KIAA1328: variants seen among roughly 807,000 people sequenced by gnomAD.
KIAA1328 encodes the protein KIAA1328.
Under a neutral mutation model 68.1 loss-of-function variants are expected in KIAA1328, and 52 were observed. The ratio of observed to expected loss-of-function variants is 0.76; its 90% CI spans 0.61 to 0.96. The LOEUF (loss-of-function observed/expected upper bound fraction) is 0.96, where lower values mean the gene tolerates loss of function less well. KIAA1328 is among the 40% of genes least tolerant of loss of function. KIAA1328 has a pLI of 0.00. For missense variants in KIAA1328, 641 were observed against 677.6 expected (o/e 0.95, Z 0.60); for synonymous variants, 232 against 239.4 (o/e 0.97, Z 0.28).
chr18:36,892,319 A>G (rs1322936735), intron 5 of KIAA1328, among the ~76,000 whole-genome samples: 1 of 152,160 alleles, frequency 6.6e-6, no homozygotes, highest in Non-Finnish European at 1.5e-5. Flanking sequence ...TAGTCTTTGA[A>G]ATAGTTTTGG....
intron 6 of KIAA1328, among the ~76,000 whole-genome samples, chr18:36,968,689 G>A (rs2052044569): frequency 6.6e-6 from 1 of 152,146 alleles, no homozygotes; most frequent in South Asian, 2.1e-4. Flanking sequence ...ATAATAGTGA[G>A]ATATTTCAAC....
intron 9 of KIAA1328, among the ~76,000 whole-genome samples, chr18:37,178,240 A>G (rs2059631955): frequency 6.6e-6 from 1 of 152,108 alleles, no homozygotes; most frequent in Admixed American, 6.6e-5. Flanking sequence ...TAGTATCACT[A>G]TCATACTCAC....
chr18:37,109,128 A>G (rs937106999), intron 7 of KIAA1328, among the ~76,000 whole-genome samples: 5 of 152,224 alleles, frequency 3.3e-5, no homozygotes, highest in African/African-American at 1.2e-4. Context: ...TTATGGCTGC[A>G]TAGTATTCCA....
At chr18:36,919,528 A>G (rs186130176) in intron 5 of KIAA1328, among the ~76,000 whole-genome samples, 424 of 152,224 alleles carry the variant, frequency 2.8e-3, no homozygotes, top group Non-Finnish European at 4.6e-3. Context: ...AGGAACATAG[A>G]GTGTTGCAAG....
intron 6 of KIAA1328, among the ~76,000 whole-genome samples, chr18:37,054,958 T>C (rs1260868335): frequency 6.6e-6 from 1 of 152,226 alleles, no homozygotes; most frequent in African/African-American, 2.4e-5. Flanking sequence ...TTACACTTTA[T>C]TGTGTGCCTT....
At chr18:36,956,985 A>G (rs2051446036) in intron 5 of KIAA1328, among the ~76,000 whole-genome samples, 1 of 152,210 alleles carries the variant, frequency 6.6e-6, no homozygotes. Flanking sequence ...CAAGTATTCA[A>G]CAAGCTCTCC....
chr18:37,057,755 CT>C (rs2055976394), intron 6 of KIAA1328, among the ~76,000 whole-genome samples: 1 of 152,074 alleles, frequency 6.6e-6, no homozygotes, highest in South Asian at 2.1e-4. Context: ...TTAAATTTCA[CT>C]GCCTATAAAT....
chr18:36,910,569 T>G (rs1473973531), intron 5 of KIAA1328, among the ~76,000 whole-genome samples: 1 of 152,168 alleles, frequency 6.6e-6, no homozygotes, highest in Admixed American at 6.5e-5. Context: ...GCCTCCAGCT[T>G]TGTTCTTTTT....
At chr18:36,834,429 A>G in intron 2 of KIAA1328, 74 bp downstream of exon 2, 1 of 1,315,198 alleles carries the variant, frequency 7.6e-7, no homozygotes, top group Non-Finnish European at 1.0e-6. Flanking sequence ...AAGCTATTAG[A>G]ACAATGTTGC....
At position 36,854,582 on chromosome 18, in the gene KIAA1328, A is replaced by G. The variant is rs112665044; in HGVS notation, c.332+10280A>G. Among the ~76,000 whole-genome samples, 722 of 152,284 alleles carry G rather than the reference A, an allele frequency of 4.7e-3. 7 individuals carry two copies. Among genetic ancestry groups the G allele is most frequent in the African/African-American group, 0.016 (685 of 41,570 alleles). ...TTAGCATTTGTTGTAGGACGGGTCT[A>G]CTAGTGATGAACTCACTCAGCTTTT... On this transcript the variant is annotated intron_variant, in intron 4 of 9. Transcript: ENST00000280020.
chr18:36,852,611 G>A (rs983889197), intron 4 of KIAA1328, among the ~76,000 whole-genome samples: 7 of 152,150 alleles, frequency 4.6e-5, no homozygotes, highest in Non-Finnish European at 5.9e-5. Context: ...AATACGAAGG[G>A]CTGTGGAAGC....
intron 6 of KIAA1328, among the ~76,000 whole-genome samples, chr18:36,974,394 C>T (rs1311669253): frequency 6.6e-6 from 1 of 152,118 alleles, no homozygotes; most frequent in Admixed American, 6.5e-5. Flanking sequence ...TAAGTGAGAA[C>T]ATGTGGTATT....
chr18:37,020,493 G>A (rs572717591), intron 6 of KIAA1328, among the ~76,000 whole-genome samples: 60 of 152,234 alleles, frequency 3.9e-4, no homozygotes, highest in South Asian at 3.5e-3. Flanking sequence ...AGTTTACAGC[G>A]CATGTTAGAT....
chr18:37,072,313 A>G (rs758999013), intron 7 of KIAA1328, among the ~76,000 whole-genome samples: 14 of 149,680 alleles, frequency 9.4e-5, no homozygotes, highest in African/African-American at 3.4e-4. Flanking sequence ...TTTTTTTTCT[A>G]TCAGCACTTG....
intron 6 of KIAA1328, among the ~76,000 whole-genome samples, chr18:37,020,431 A>T (rs322633): frequency 3.3e-5 from 5 of 152,132 alleles, no homozygotes; most frequent in Non-Finnish European, 7.4e-5. Flanking sequence ...CCGAAACGTA[A>T]GTATTTCTTA....
intron 4 of KIAA1328, among the ~76,000 whole-genome samples, chr18:36,882,434 C>T (rs1349806024): frequency 1.4e-4 from 21 of 152,114 alleles, no homozygotes; most frequent in Admixed American, 1.4e-3. Context: ...GCTTTATTGG[C>T]AGGTCTTCTG....
intron 7 of KIAA1328, among the ~76,000 whole-genome samples, chr18:37,092,986 C>T (rs994056740): frequency 1.3e-5 from 2 of 152,168 alleles, no homozygotes; most frequent in South Asian, 4.1e-4. Flanking sequence ...TAATCCCTTG[C>T]CACAGCTTAC....
chr18:37,137,267 G>A (rs1357162848), intron 7 of KIAA1328, among the ~76,000 whole-genome samples: 4 of 152,024 alleles, frequency 2.6e-5, no homozygotes, highest in Non-Finnish European at 5.9e-5. Context: ...TCTTGCATCA[G>A]TACCTCTTAC....
At chr18:36,964,287 A>G (rs745820523) in intron 6 of KIAA1328, among the ~76,000 whole-genome samples, 23 of 152,216 alleles carry the variant, frequency 1.5e-4, no homozygotes, top group Non-Finnish European at 3.1e-4. Flanking sequence ...TTTCCTTGCA[A>G]GGAGCCACAA....
Sources: allele counts gnomAD v4.1 joint callset (sites outside exome capture counted in the v4.1 genomes callset), GRCh38; gene constraint gnomAD v4.1.1; transcripts MANE v1.5; gene names NCBI Gene and HGNC (gene_info 2026-07-23, HGNC 2026-07-21).